Variants in SYN3 observed in about 807,000 individuals in gnomAD.
SYN3 encodes synapsin III.
Under a neutral mutation model 65.8 loss-of-function variants are expected in SYN3, and 35 were observed. The ratio of observed to expected loss-of-function variants is 0.53; its 90% CI spans 0.41 to 0.70. The LOEUF is 0.70. Ranked by LOEUF, SYN3 falls within the 30% of genes least tolerant of loss-of-function variation. The pLI is 0.00. For missense variants in SYN3, 680 were observed against 749.0 expected (o/e 0.91, Z 1.08); for synonymous variants, 270 against 292.9 (o/e 0.92, Z 0.80).
At chr22:32,952,323 G>A (rs552238026) in intron 3 of SYN3, among the ~76,000 whole-genome samples, 1 of 151,812 alleles carries the variant, frequency 6.6e-6, no homozygotes, top group South Asian at 2.1e-4. Flanking sequence ...TGGACAGGCA[G>A]GGTGGGGAGG....
At chr22:32,920,156 C>T (rs537306077) in intron 4 of SYN3, among the ~76,000 whole-genome samples, 94 of 152,282 alleles carry the variant, frequency 6.2e-4, no homozygotes, top group African/African-American at 2.0e-3. Flanking sequence ...TCAGCCGCTG[C>T]GGTTTGAACG....
intron 6 of SYN3, among the ~76,000 whole-genome samples, chr22:32,637,218 G>C (rs1569112235): frequency 6.6e-6 from 1 of 152,252 alleles, no homozygotes; most frequent in East Asian, 1.9e-4. Flanking sequence ...CAGACTGCTT[G>C]GTTTCCATCC....
intron 7 of SYN3, among the ~76,000 whole-genome samples, chr22:32,554,976 ACT>A (rs2058472647): frequency 6.6e-6 from 1 of 152,240 alleles, no homozygotes; most frequent in African/African-American, 2.4e-5. Flanking sequence ...ATGTAAATGC[ACT>A]AAAAGAGCAC....
intron 6 of SYN3, among the ~76,000 whole-genome samples, chr22:32,735,009 G>T (rs1188823864): frequency 6.6e-6 from 1 of 152,188 alleles, no homozygotes; most frequent in African/African-American, 2.4e-5. Flanking sequence ...GGGTGATTTA[G>T]GCTTCCCAAT....
intron 6 of SYN3, among the ~76,000 whole-genome samples, chr22:32,598,241 C>G (rs1453280357): frequency 6.6e-6 from 1 of 152,212 alleles, no homozygotes; most frequent in African/African-American, 2.4e-5. Flanking sequence ...TGCTGAGCCT[C>G]TGCAGAAGGC....
In SYN3 at chr22:32,603,388, C is replaced by T. The variant is rs368575362; in HGVS notation, c.712-6652G>A. Among the ~76,000 whole-genome samples, 1,266 of 149,102 alleles carry T rather than the reference C, an allele frequency of 8.5e-3. 25 individuals carry two copies. Among genetic ancestry groups the T allele is most frequent in the African/African-American group, 0.029 (1,177 of 40,358 alleles). ...AAAAAAAAATAGCCAGGTATGGTGG[C>T]GGGCACCTGTAGTCCCAGCTACTAG... On this transcript the variant is annotated intron_variant, in intron 6 of 13. Coordinates refer to ENST00000358763, the MANE Select transcript of SYN3 (RefSeq NM_003490.4).
chr22:32,582,518 TTTTA>T (rs1223380834), intron 7 of SYN3, among the ~76,000 whole-genome samples: 3 of 151,802 alleles, frequency 2.0e-5, no homozygotes, highest in Non-Finnish European at 4.4e-5. Context: ...ACCAGCTAAT[TTTTA>T]TTTATTTATT....
intron 6 of SYN3, among the ~76,000 whole-genome samples, chr22:32,728,530 C>T (rs1208930621): frequency 6.6e-6 from 1 of 152,222 alleles, no homozygotes; most frequent in African/African-American, 2.4e-5. Context: ...CTCAGAGAGG[C>T]TGACCTTGAC....
chr22:33,012,287 AT>A (rs2053369082), intron 1 of SYN3, among the ~76,000 whole-genome samples: 1 of 152,186 alleles, frequency 6.6e-6, no homozygotes, highest in Non-Finnish European at 1.5e-5. Flanking sequence ...TAAAACATGC[AT>A]TTAATTTTCA....
At chr22:32,918,687 T>C (rs1480628338) in intron 4 of SYN3, among the ~76,000 whole-genome samples, 3 of 152,094 alleles carry the variant, frequency 2.0e-5, no homozygotes, top group Non-Finnish European at 2.9e-5. Flanking sequence ...AGAAACTCAG[T>C]AGGAGGTGCA....
intron 6 of SYN3, among the ~76,000 whole-genome samples, chr22:32,642,777 C>G (rs538845683): frequency 6.6e-6 from 1 of 152,006 alleles, no homozygotes; most frequent in Non-Finnish European, 1.5e-5. Context: ...CAGGCTGTCT[C>G]GAACTCCTAA....
chr22:32,779,406 G>A (rs547698393), intron 6 of SYN3, among the ~76,000 whole-genome samples: 2 of 152,216 alleles, frequency 1.3e-5, no homozygotes. Context: ...GTTGCAGTGA[G>A]CCGAGATGGC....
In SYN3 at chr22:32,681,972, G is replaced by A. The variant is rs2060528011; in HGVS notation, c.712-85236C>T. 4.8e-5 allele frequency among the ~76,000 whole-genome samples: 4 copies of A among 84,110 alleles called. No individual in the cohort carries two copies. In the South Asian group the frequency reaches 1.4e-3, roughly 29 times the overall value. 55.2% of individuals were successfully genotyped at this position (84,110 alleles called of 152,430 possible). A position where few individuals can be genotyped will look rare whatever the true frequency, so the allele number is the denominator to read the frequency against. Reference sequence around the variant, plus strand: ...GCCACATTATGATGGTGATGTTTGAGCCGAGACTTAGCAGAGGTAAGAGAG... The same window carrying A: ...GCCACATTATGATGGTGATGTTTGAACCGAGACTTAGCAGAGGTAAGAGAG... On this transcript the variant is annotated intron_variant, in intron 6 of 13. Transcript: ENST00000358763.
chr22:32,864,296 C>T (rs150730572), intron 6 of SYN3, among the ~76,000 whole-genome samples: 1 of 152,290 alleles, frequency 6.6e-6, no homozygotes, highest in African/African-American at 2.4e-5. Flanking sequence ...CTGCTTAGAG[C>T]TCCTCCCCCC....
chr22:32,809,921 T>C (rs1439568892), intron 6 of SYN3, among the ~76,000 whole-genome samples: 3 of 152,208 alleles, frequency 2.0e-5, no homozygotes, highest in Non-Finnish European at 4.4e-5. Flanking sequence ...GCAGGTCCCA[T>C]GCATTTACTG....
chr22:32,879,089 A>C (rs2049057442), intron 4 of SYN3, among the ~76,000 whole-genome samples: 1 of 152,072 alleles, frequency 6.6e-6, no homozygotes, highest in African/African-American at 2.4e-5. Flanking sequence ...ACACACACAC[A>C]CTTTGAAAAC....
At chr22:32,919,964 T>G (rs1341370896) in intron 4 of SYN3, among the ~76,000 whole-genome samples, 1 of 152,166 alleles carries the variant, frequency 6.6e-6, no homozygotes, top group Non-Finnish European at 1.5e-5. Flanking sequence ...GACAAGCCCA[T>G]GCATCTCCCT....
At chr22:32,848,098 G>C (rs543065137) in intron 6 of SYN3, among the ~76,000 whole-genome samples, 1 of 152,350 alleles carries the variant, frequency 6.6e-6, no homozygotes, top group Admixed American at 6.5e-5. Context: ...AATACCTGAA[G>C]ACAGCTCTTG....
At chr22:32,701,034 A>G (rs1176026114) in intron 6 of SYN3, among the ~76,000 whole-genome samples, 1 of 152,258 alleles carries the variant, frequency 6.6e-6, no homozygotes, top group Non-Finnish European at 1.5e-5. Flanking sequence ...CATATTTTAA[A>G]TATGCCCCAT....
Sources: gnomAD v4.1 joint callset for allele counts (sites outside exome capture counted in the v4.1 genomes callset) on GRCh38, gnomAD v4.1.1 for gene constraint, MANE v1.5 for transcripts, NCBI Gene and HGNC (gene_info 2026-07-23, HGNC 2026-07-21) for gene names.